Variants in GPC3 observed in about 807,000 individuals in gnomAD.
The protein encoded by GPC3 is glypican 3.
Under a neutral mutation model 34.4 loss-of-function variants are expected in GPC3, and 3 were observed. That is an observed-to-expected ratio of 0.09 (90% confidence interval 0.04 to 0.23). The LOEUF is 0.23. GPC3 is among the 10% of genes least tolerant of loss of function. The pLI is 1.00. For synonymous variants in GPC3, 177 were observed against 174.0 expected, an observed-to-expected ratio of 1.02 and a Z score of -0.13; for missense variants, 351 against 445.6, an observed-to-expected ratio of 0.79 and a Z score of 1.91.
chrX:133,967,929 G>A (rs2076471321), intron 1 of GPC3, among the ~76,000 whole-genome samples: 1 of 112,630 alleles, frequency 8.9e-6, no homozygotes, highest in Non-Finnish European at 1.9e-5. Flanking sequence ...TGTCCAGCCT[G>A]CTTTTTACTT....
chrX:133,924,010 G>A (rs908115879), intron 2 of GPC3, among the ~76,000 whole-genome samples: 1 of 111,640 alleles, frequency 9.0e-6, no homozygotes, highest in Non-Finnish European at 1.9e-5. Flanking sequence ...AAATCACCTT[G>A]ACATTCTGAT....
rs2071699206 is a variant in GPC3 at position 133,753,962 on chromosome X, G to T, written c.552C>A (p.Asn184Lys). 1 of 1,208,601 alleles carries T rather than the reference G, an allele frequency of 8.3e-7. No homozygotes were observed. Among genetic ancestry groups the T allele is most frequent in the South Asian group, 1.8e-5 (1 of 56,752 alleles). The change falls in exon 3 of 8, where the codon AAC becomes AAA. Residue 184 changes from asparagine (N) to lysine (K), a missense_variant. By Grantham distance (94) the Asn-to-Lys change is moderately conservative. Coordinates refer to ENST00000370818, the MANE Select transcript of GPC3 (RefSeq NM_004484.4). ...CCAAGGCTGAATCAGGCAGGCCTGGGTTCATTAGCTGGGTATAGATGACTG... is the reference window on the plus strand; with the variant it reads ...CCAAGGCTGAATCAGGCAGGCCTGGTTTCATTAGCTGGGTATAGATGACTG... ...LFPVIYTQLM[N>K]PGLPDSALDI... is the part of the protein sequence containing the mutation.
intron 4 of GPC3, among the ~76,000 whole-genome samples, chrX:133,696,945 A>T (rs1320498597): frequency 8.9e-6 from 1 of 112,377 alleles, no homozygotes; most frequent in Non-Finnish European, 1.9e-5. Context: ...GAACTAAAGG[A>T]TAGGGCCCCT....
At chrX:133,954,857 C>T (rs62601621) in intron 1 of GPC3, among the ~76,000 whole-genome samples, 1 of 104,585 alleles carries the variant, frequency 9.6e-6, no homozygotes, top group Non-Finnish European at 1.9e-5. Flanking sequence ...AAGGGATTCT[C>T]CTGCCTCAGC....
intron 6 of GPC3, among the ~76,000 whole-genome samples, chrX:133,603,163 C>A (rs115799928): frequency 0.049 from 5,222 of 106,457 alleles, 347 homozygotes; most frequent in African/African-American, 0.17. Context: ...AAAAAAAAGA[C>A]ACGCTCCCTG....
At chrX:133,824,042 C>T (rs1294664980) in intron 2 of GPC3, among the ~76,000 whole-genome samples, 1 of 96,378 alleles carries the variant, frequency 1.0e-5, no homozygotes, top group East Asian at 3.4e-4. Context: ...CCCTAGAGCA[C>T]TAAAAACTAA....
intron 2 of GPC3, among the ~76,000 whole-genome samples, chrX:133,819,383 C>T (rs5975426): frequency 0.045 from 4,922 of 108,962 alleles, 304 homozygotes; most frequent in African/African-American, 0.15. Flanking sequence ...TGGTTAGACA[C>T]TTTAAATGAC....
rs1426417413 is a variant in GPC3, at chrX:133,859,451, G to C, written c.337+93599C>G. On this transcript the variant is annotated intron_variant, in intron 2 of 7. Coordinates refer to ENST00000370818, the MANE Select transcript of GPC3 (RefSeq NM_004484.4). ...CTCAGAAGGCCCATATTTGCACCTGGGAAGAAAAAACAACTGTTGCCTAGG... is the reference window on the plus strand; with the variant it reads ...CTCAGAAGGCCCATATTTGCACCTGCGAAGAAAAAACAACTGTTGCCTAGG... Among the ~76,000 whole-genome samples, 10 of 111,469 alleles carry C rather than the reference G, an allele frequency of 9.0e-5. No individual in the cohort carries two copies. The East Asian group carries it at 1.7e-3, about 19-fold the overall frequency.
intron 2 of GPC3, among the ~76,000 whole-genome samples, chrX:133,913,396 G>A (rs1435492293): frequency 8.9e-6 from 1 of 112,745 alleles, no homozygotes; most frequent in Non-Finnish European, 1.9e-5. Context: ...TAACCTGCAA[G>A]GGCAAAATTT....
intron 2 of GPC3, among the ~76,000 whole-genome samples, chrX:133,950,767 C>T (rs768731034): frequency 8.9e-6 from 1 of 111,813 alleles, no homozygotes; most frequent in South Asian, 3.8e-4. Context: ...AGTCTTGTCT[C>T]TCCAAATGTT....
At position 133,930,213 on chromosome X, in the gene GPC3, TC is replaced by T. The variant is rs1291069861; in HGVS notation, c.337+22836del. ...TTCTCAATGGAAGATGAATTTGAGCTCCCCCCAACTGCCCCAGGCCCAGGGA... is the reference window on the plus strand; with the variant it reads ...TTCTCAATGGAAGATGAATTTGAGCTCCCCCAACTGCCCCAGGCCCAGGGA... On this transcript the variant is annotated intron_variant, in intron 2 of 7. Transcript: ENST00000370818. Among the ~76,000 whole-genome samples, 16 of 111,389 alleles carry T rather than the reference TC, an allele frequency of 1.4e-4. No homozygotes were observed. In the East Asian group the frequency reaches 4.5e-3, roughly 31 times the overall value.
At chrX:133,638,085 A>G (rs775538244) in intron 6 of GPC3, among the ~76,000 whole-genome samples, 1 of 111,832 alleles carries the variant, frequency 8.9e-6, no homozygotes, top group East Asian at 2.8e-4. Context: ...ATGTGTTCAT[A>G]ATGAGAAGGG....
chrX:133,549,894 CTCTT>C (rs1423259688), intron 7 of GPC3, among the ~76,000 whole-genome samples: 5 of 100,509 alleles, frequency 5.0e-5, no homozygotes, highest in East Asian at 3.3e-4. Flanking sequence ...CCCTCCTTCT[CTCTT>C]TCTATCCTTT....
intron 7 of GPC3, among the ~76,000 whole-genome samples, chrX:133,544,641 T>G (rs764145949): frequency 2.7e-5 from 3 of 112,054 alleles, no homozygotes; most frequent in Non-Finnish European, 5.6e-5. Flanking sequence ...TCCTGCCACC[T>G]CAGCCTCCCA....
chrX:133,856,568 AGTGT>A (rs749436715), intron 2 of GPC3, among the ~76,000 whole-genome samples: 19 of 111,429 alleles, frequency 1.7e-4, no homozygotes, highest in South Asian at 3.8e-4. Context: ...CTGCTACAAT[AGTGT>A]GTATCTTTGT....
At chrX:133,632,128 C>T (rs1399831676) in intron 6 of GPC3, among the ~76,000 whole-genome samples, 2 of 109,418 alleles carry the variant, frequency 1.8e-5, no homozygotes, top group African/African-American at 6.9e-5. Flanking sequence ...GAGACAGTGT[C>T]TCCCTCTGTT....
At chrX:133,666,890 C>T (rs1421551291) in intron 5 of GPC3, among the ~76,000 whole-genome samples, 2 of 112,130 alleles carry the variant, frequency 1.8e-5, no homozygotes, top group East Asian at 5.5e-4. Context: ...AGGATAAGAG[C>T]AGTCACTTTC....
intron 6 of GPC3, among the ~76,000 whole-genome samples, chrX:133,651,267 G>A (rs890081766): frequency 2.8e-5 from 3 of 108,937 alleles, no homozygotes; most frequent in Non-Finnish European, 5.7e-5. Context: ...CACTGCAAGC[G>A]GTGGAGAGTA....
At chrX:133,542,632 A>C (rs1193175255) in intron 7 of GPC3, among the ~76,000 whole-genome samples, 1 of 112,332 alleles carries the variant, frequency 8.9e-6, no homozygotes, top group African/African-American at 3.2e-5. Context: ...AGATGGCTTC[A>C]ATCTGGCCCT....
Sources: gnomAD v4.1 joint callset for allele counts (sites outside exome capture counted in the v4.1 genomes callset) on GRCh38, gnomAD v4.1.1 for gene constraint, MANE v1.5 for transcripts, NCBI Gene and HGNC (gene_info 2026-07-23, HGNC 2026-07-21) for gene names.